The following BCL11A variants were observed in gnomAD, a reference collection of about 807,000 sequenced individuals.
BCL11A encodes BCL11 transcription factor A, also known as B cell CLL/lymphoma 11A.
In BCL11A, 2 loss-of-function variants were observed where a neutral mutation model predicts 55.9. The ratio of observed to expected loss-of-function variants is 0.04; its 90% CI spans 0.01 to 0.11. The LOEUF (loss-of-function observed/expected upper bound fraction) is 0.11, where lower values mean the gene tolerates loss of function less well. Ranked by LOEUF, BCL11A falls within the 10% of genes least tolerant of loss-of-function variation. The pLI is 1.00. For synonymous variants in BCL11A, 465 were observed against 473.4 expected, an observed-to-expected ratio of 0.98 and a Z score of 0.23; for missense variants, 817 against 1,137.1, an observed-to-expected ratio of 0.72 and a Z score of 4.05.
At chr2:60,451,244 G>A (rs1244395208) in exon 5 of BCL11A, 1 of 223,580 alleles carries the variant, frequency 4.5e-6, no homozygotes, top group Non-Finnish European at 8.9e-6. Flanking sequence ...CACTAAGCTA[G>A]GTAATCTAGC....
chr2:60,475,832 C>A (rs564497685), intron 2 of BCL11A, among the ~76,000 whole-genome samples: 12 of 152,326 alleles, frequency 7.9e-5, no homozygotes, highest in African/African-American at 2.4e-4. Context: ...ACTGCCACCA[C>A]TCCCCGGATT....
At chr2:60,493,519 C>T (rs886268930) in intron 2 of BCL11A, among the ~76,000 whole-genome samples, 3 of 152,118 alleles carry the variant, frequency 2.0e-5, no homozygotes, top group African/African-American at 4.8e-5. Flanking sequence ...AACCTCTCCA[C>T]TACACTAAGG....
chr2:60,470,345 G>C (rs1196232766), intron 2 of BCL11A, among the ~76,000 whole-genome samples: 2 of 152,194 alleles, frequency 1.3e-5, no homozygotes, highest in Non-Finnish European at 2.9e-5. Flanking sequence ...AGTGAATTGA[G>C]AGTGTGGCGT....
intron 2 of BCL11A, among the ~76,000 whole-genome samples, chr2:60,488,243 T>C (rs1041510124): frequency 1.3e-5 from 2 of 152,226 alleles, no homozygotes; most frequent in African/African-American, 4.8e-5. Context: ...TGAGTCATGA[T>C]TTTAACTGAA....
chr2:60,500,113 G>C (rs1679197109), intron 2 of BCL11A: 1 of 152,634 alleles, frequency 6.6e-6, no homozygotes, highest in African/African-American at 2.4e-5. Context: ...CTGCCAGTGA[G>C]ATTGCATGTC....
intron 2 of BCL11A, among the ~76,000 whole-genome samples, chr2:60,499,032 A>G (rs1306788356): frequency 2.0e-5 from 3 of 152,182 alleles, no homozygotes; most frequent in Non-Finnish European, 2.9e-5. Context: ...CTGTCCCCAC[A>G]CAGGCATCCA....
rs974993740 is a variant in BCL11A at position 60,458,825 on chromosome 2, C to T, written c.*1579G>A. The T allele has an allele frequency of 9.7e-7, 1 of 1,029,938 alleles. No individual in the cohort carries two copies. Among genetic ancestry groups the T allele is most frequent in the East Asian group, 6.1e-5 (1 of 16,524 alleles). The allele number at this position is 1,029,938 out of a possible 1,614,324, so 63.8% of individuals were successfully genotyped here. A position where few individuals can be genotyped will look rare whatever the true frequency, so the allele number is the denominator to read the frequency against. The stretch of plus-strand genomic sequence containing the variant: ...CAGGCAGAGTCAAGTGCTATTTGAA[C>T]ACCAACTGGGGCAGATGCTAGCTTA... On this transcript the variant is annotated 3_prime_UTR_variant, in exon 4 of 4. Coordinates refer to ENST00000642384, the MANE Select transcript of BCL11A (RefSeq NM_022893.4).
chr2:60,457,951 T>C lies in BCL11A; in HGVS notation c.*2453A>G, dbSNP rs1393800250. The C allele has an allele frequency of 9.6e-7, 1 of 1,037,046 alleles. No individual in the cohort carries two copies. Among genetic ancestry groups the C allele is most frequent in the African/African-American group, 1.7e-5 (1 of 59,276 alleles). The allele number at this position is 1,037,046 out of a possible 1,614,324, so 64.2% of individuals were successfully genotyped here. On this transcript the variant is annotated 3_prime_UTR_variant, in exon 4 of 4. Transcript: ENST00000642384. ...GTAATGTCACACTTTTTTGTTTCTC[T>C]CTTTTTTTTTTTTTTGAAGCATACA... is the stretch of plus-strand genomic sequence containing the variant.
intron 2 of BCL11A, among the ~76,000 whole-genome samples, chr2:60,538,833 C>T (rs888872355): frequency 4.7e-4 from 72 of 151,668 alleles, no homozygotes; most frequent in African/African-American, 1.5e-3. Flanking sequence ...TTACACTGTA[C>T]TCCCTTTGTT....
At position 60,458,476 on chromosome 2, in the gene BCL11A, C is replaced by T. The variant is rs1676051097; in HGVS notation, c.*1928G>A. On this transcript the variant is annotated 3_prime_UTR_variant, in exon 4 of 4. Transcript: ENST00000642384. ...TTAAAAAAGTTTTGTACAAAAAAATCCTTGCACTGTAGAAGCGAAAGCAAT... is the reference window on the plus strand; with the variant it reads ...TTAAAAAAGTTTTGTACAAAAAAATTCTTGCACTGTAGAAGCGAAAGCAAT... 3.9e-6 allele frequency: 4 copies of T among 1,029,346 alleles called. No homozygotes were observed. In the East Asian group the frequency reaches 2.5e-4, roughly 63 times the overall value. 63.8% of individuals were successfully genotyped at this position (1,029,346 alleles called of 1,614,324 possible). A position where few individuals can be genotyped will look rare whatever the true frequency, so the allele number is the denominator to read the frequency against.
intron 2 of BCL11A, among the ~76,000 whole-genome samples, chr2:60,520,534 G>A (rs760781802): frequency 2.0e-5 from 3 of 152,124 alleles, no homozygotes; most frequent in Non-Finnish European, 2.9e-5. Flanking sequence ...TTCGCATTCC[G>A]TTTATAAGAA....
In BCL11A at chr2:60,484,730, C is replaced by T. The variant is rs143700616; in HGVS notation, c.386-15897G>A. Among the ~76,000 whole-genome samples the T allele has an allele frequency of 4.3e-3, 659 of 151,946 alleles. 2 individuals are homozygous for T. The highest frequency in any genetic ancestry group is 8.7e-3 in the African/African-American group (360 of 41,412). On this transcript the variant is annotated intron_variant, in intron 2 of 3. Transcript: ENST00000642384. ...AGAAAGAGAGGAAAGGTTAACCACT[C>T]GAGAAAAAATGCACATGGGCTGAGG...
chr2:60,545,428 C>G (rs1670104385), intron 2 of BCL11A: 1 of 156,372 alleles, frequency 6.4e-6, no homozygotes, highest in Admixed American at 6.2e-5. Flanking sequence ...CAATATGGAT[C>G]CAAGGCTAGC....
At chr2:60,467,920 G>A (rs1676921654) in intron 3 of BCL11A, among the ~76,000 whole-genome samples, 3 of 135,446 alleles carry the variant, frequency 2.2e-5, no homozygotes, top group South Asian at 2.3e-4. Context: ...TGGTGGTGGT[G>A]GTGGTGGTAG....
chr2:60,507,242 G>A (rs1573026274), intron 2 of BCL11A, among the ~76,000 whole-genome samples: 1 of 786 alleles, frequency 1.3e-3, no homozygotes. Flanking sequence ...AAGGGAGGGA[G>A]GGAGGGGAGG....
At chr2:60,491,038 A>G (rs1200239625) in intron 2 of BCL11A, among the ~76,000 whole-genome samples, 2 of 152,162 alleles carry the variant, frequency 1.3e-5, no homozygotes, top group Admixed American at 1.3e-4. Context: ...CCTGGAGAAG[A>G]GCAAATGTGA....
intron 2 of BCL11A, among the ~76,000 whole-genome samples, chr2:60,530,539 G>T (rs1238708655): frequency 6.6e-6 from 1 of 151,578 alleles, no homozygotes; most frequent in Non-Finnish European, 1.5e-5. Flanking sequence ...ACCCGCATAT[G>T]TAGCCAAAAG....
intron 3 of BCL11A, among the ~76,000 whole-genome samples, chr2:60,466,213 C>T (rs1284057074): frequency 6.6e-6 from 1 of 152,184 alleles, no homozygotes; most frequent in African/African-American, 2.4e-5. Flanking sequence ...AATCAAACTC[C>T]CAGCCCTCAG....
At chr2:60,496,888 C>A (rs532137972) in intron 2 of BCL11A, among the ~76,000 whole-genome samples, 72 of 152,320 alleles carry the variant, frequency 4.7e-4, no homozygotes, top group African/African-American at 1.7e-3. Context: ...AGCATGCAAA[C>A]TGAATTTTTG....
Sources: allele counts gnomAD v4.1 joint callset (sites outside exome capture counted in the v4.1 genomes callset), GRCh38; gene constraint gnomAD v4.1.1; transcripts MANE v1.5; gene names NCBI Gene and HGNC (gene_info 2026-07-23, HGNC 2026-07-21).